The following ATXN7 variants were observed in gnomAD, a reference collection of about 807,000 sequenced individuals.
ATXN7 encodes ataxin 7, also known as ataxin-7.
Under a neutral mutation model 70.5 loss-of-function variants are expected in ATXN7, and 12 were observed. The ratio of observed to expected loss-of-function variants is 0.17; its 90% CI spans 0.11 to 0.28. ATXN7 has a LOEUF of 0.28. ATXN7 is among the 10% of genes least tolerant of loss of function. The pLI, the probability that ATXN7 is intolerant of heterozygous loss-of-function variation, is 1.00. For missense variants in ATXN7, 1,256 were observed against 1,131.7 expected, an observed-to-expected ratio of 1.11 and a Z score of -1.58; for synonymous variants, 498 against 448.7, an observed-to-expected ratio of 1.11 and a Z score of -1.39.
At chr3:63,935,219 AC>A (rs1447994522) in intron 4 of ATXN7, among the ~76,000 whole-genome samples, 1 of 152,172 alleles carries the variant, frequency 6.6e-6, no homozygotes, top group Non-Finnish European at 1.5e-5. Flanking sequence ...GAGATCACTT[AC>A]GGCGATTCCT....
At chr3:63,913,128 C>T (rs1245701563) in intron 3 of ATXN7, 29 bp from the exon 4 acceptor site, 12 of 1,608,670 alleles carry the variant, frequency 7.5e-6, no homozygotes, top group South Asian at 3.3e-5. Context: ...CCTGCCTCTC[C>T]CCTCCTCCTG....
At chr3:63,883,886 T>G (rs1702994289) in intron 1 of ATXN7, among the ~76,000 whole-genome samples, 1 of 152,106 alleles carries the variant, frequency 6.6e-6, no homozygotes, top group African/African-American at 2.4e-5. Flanking sequence ...GGAGGTTGAT[T>G]AGGATATTTA....
At chr3:63,978,075 T>A (rs1049017731) in intron 5 of ATXN7, among the ~76,000 whole-genome samples, 1 of 152,192 alleles carries the variant, frequency 6.6e-6, no homozygotes, top group Non-Finnish European at 1.5e-5. Context: ...TTAATGGTTC[T>A]TGAGGCATTA....
chr3:63,952,276 T>C lies in ATXN7; in HGVS notation c.395-103T>C, dbSNP rs376606243. ...TACCACATCAGTTCATTTGTCCTGGTATACTTTACAATAAGGCAACTCCTT... is the reference window on the plus strand; with the variant it reads ...TACCACATCAGTTCATTTGTCCTGGCATACTTTACAATAAGGCAACTCCTT... On this transcript the variant is annotated intron_variant, in intron 4 of 12. Coordinates refer to ENST00000674280, the MANE Select transcript of ATXN7 (RefSeq NM_001377405.1). 7.1e-5 allele frequency: 49 copies of C among 694,344 alleles called. 1 individual carries two copies. Among genetic ancestry groups the C allele is most frequent in the South Asian group, 5.2e-4 (23 of 44,560 alleles). The allele number at this position is 694,344 out of a possible 1,614,324, so 43.0% of individuals were successfully genotyped here. A position where few individuals can be genotyped will look rare whatever the true frequency, so the allele number is the denominator to read the frequency against.
intron 4 of ATXN7, among the ~76,000 whole-genome samples, chr3:63,915,784 C>T (rs961189006): frequency 6.6e-6 from 1 of 151,458 alleles, no homozygotes; most frequent in African/African-American, 2.4e-5. Context: ...TGGGTTCAAG[C>T]GATTCTCTGG....
intron 4 of ATXN7, among the ~76,000 whole-genome samples, chr3:63,919,728 C>T (rs1309251062): frequency 1.3e-5 from 2 of 148,200 alleles, no homozygotes; most frequent in East Asian, 4.1e-4. Context: ...TTAGGTATAT[C>T]TCCTAATGCT....
chr3:63,985,185 A>G (rs568438046), intron 8 of ATXN7, among the ~76,000 whole-genome samples: 1 of 152,310 alleles, frequency 6.6e-6, no homozygotes, highest in Non-Finnish European at 1.5e-5. Flanking sequence ...TCAACTCAAA[A>G]TCTTCAAGGA....
intron 9 of ATXN7, 126 bp downstream of exon 9, chr3:63,988,450 G>A: frequency 7.6e-7 from 1 of 1,316,538 alleles, no homozygotes; most frequent in Non-Finnish European, 1.0e-6. Flanking sequence ...AGTTTTTTAA[G>A]GAGTTTTACT....
intron 5 of ATXN7, among the ~76,000 whole-genome samples, chr3:63,978,401 A>G (rs955368898): frequency 1.3e-5 from 2 of 152,194 alleles, no homozygotes; most frequent in African/African-American, 4.8e-5. Flanking sequence ...CAGAAGCTGT[A>G]TCGTCTAAGG....
chr3:63,872,824 G>A (rs575783396), intron 1 of ATXN7, among the ~76,000 whole-genome samples: 1 of 152,166 alleles, frequency 6.6e-6, no homozygotes, highest in African/African-American at 2.4e-5. Flanking sequence ...TACCTCTTGG[G>A]ATAACAGCTC....
In ATXN7 at chr3:63,990,208, G is replaced by A. The variant is rs1235367716; in HGVS notation, c.1394G>A (p.Ser465Asn). 6.8e-6 allele frequency: 11 copies of A among 1,613,366 alleles called. No individual in the cohort carries two copies. Among genetic ancestry groups the A allele is most frequent in the South Asian group, 1.1e-5 (1 of 91,040 alleles). Residue 465 changes from serine (S) to asparagine (N), a missense_variant, in exon 10 of 13, where the codon AGT (serine) becomes AAT (asparagine). By Grantham distance (46) the Ser-to-Asn change is conservative. Coordinates refer to ENST00000674280, the MANE Select transcript of ATXN7 (RefSeq NM_001377405.1). ...PPGCPAQQGG[S>N]APIDPPPVHE... The stretch of plus-strand genomic sequence containing the variant: ...GGCTGCCCTGCTCAGCAAGGTGGGA[G>A]TGCCCCCATTGACCCTCCTCCAGTC...
At chr3:63,935,075 T>A (rs1174629783) in intron 4 of ATXN7, among the ~76,000 whole-genome samples, 1 of 152,198 alleles carries the variant, frequency 6.6e-6, no homozygotes, top group Non-Finnish European at 1.5e-5. Context: ...GTAGAAATGT[T>A]CTTCAGTGTT....
intron 1 of ATXN7, among the ~76,000 whole-genome samples, chr3:63,886,908 T>C (rs1703101892): frequency 6.6e-6 from 1 of 152,198 alleles, no homozygotes; most frequent in Admixed American, 6.5e-5. Context: ...TCCTGTGGAA[T>C]TTCCTACTGG....
chr3:63,971,500 C>T, intron 5 of ATXN7, among the ~76,000 whole-genome samples: 1 of 152,132 alleles, frequency 6.6e-6, no homozygotes, highest in Non-Finnish European at 1.5e-5. Flanking sequence ...ACCATGTTTG[C>T]TTGTCAGGCC....
chr3:63,868,283 G>T (rs1488414270), intron 1 of ATXN7, among the ~76,000 whole-genome samples: 1 of 152,166 alleles, frequency 6.6e-6, no homozygotes, highest in East Asian at 1.9e-4. Context: ...TTCAAATTTG[G>T]TTTCCTTTAT....
intron 6 of ATXN7, chr3:63,980,454 C>G: frequency 2.4e-6 from 1 of 409,726 alleles, no homozygotes; most frequent in East Asian, 4.3e-5. Context: ...CACAACAACC[C>G]TATGGAATAG....
At chr3:63,992,908 C>T (rs2075694606) in intron 11 of ATXN7, among the ~76,000 whole-genome samples, 1 of 152,160 alleles carries the variant, frequency 6.6e-6, no homozygotes, top group Non-Finnish European at 1.5e-5. Flanking sequence ...CTCTGGGGAG[C>T]TCAGCACTTC....
chr3:63,895,956 T>C (rs1190138030), intron 1 of ATXN7, among the ~76,000 whole-genome samples: 1 of 152,150 alleles, frequency 6.6e-6, no homozygotes, highest in East Asian at 1.9e-4. Context: ...TAGAGGTAGC[T>C]TGCAGCCTCC....
intron 4 of ATXN7, 55 bp downstream of exon 4, chr3:63,913,280 C>T (rs1575884996): frequency 1.3e-6 from 2 of 1,533,956 alleles, no homozygotes; most frequent in South Asian, 1.1e-5. Context: ...GTTTCATTGA[C>T]AGTTCACTGG....
Sources: gnomAD v4.1 joint callset for allele counts (sites outside exome capture counted in the v4.1 genomes callset) on GRCh38, gnomAD v4.1.1 for gene constraint, MANE v1.5 for transcripts, NCBI Gene and HGNC (gene_info 2026-07-23, HGNC 2026-07-21) for gene names.